The following MYO10 variants were observed in gnomAD, a reference collection of about 807,000 sequenced individuals.
MYO10 encodes unconventional myosin-X.
In MYO10, 133 loss-of-function variants were observed where a neutral mutation model predicts 257.3. The observed-to-expected ratio is 0.52, with a 90% CI of 0.45 to 0.60. MYO10 has a LOEUF of 0.60. Among genes scored for constraint, MYO10 ranks in the 20% least tolerant of loss-of-function variants. The pLI, the probability that MYO10 is intolerant of heterozygous loss-of-function variation, is 0.00. For synonymous variants in MYO10, 1,104 were observed against 1,028.6 expected (o/e 1.07, Z -1.40); for missense variants, 2,399 against 2,635.7 (o/e 0.91, Z 1.97).
chr5:16,836,958 T>C (rs1743330940), intron 2 of MYO10, among the ~76,000 whole-genome samples: 1 of 152,278 alleles, frequency 6.6e-6, no homozygotes, highest in East Asian at 1.9e-4. Flanking sequence ...TTGTAACAGA[T>C]GATAGATAGA....
intron 1 of MYO10, among the ~76,000 whole-genome samples, chr5:16,879,173 C>A (rs886233631): frequency 6.6e-6 from 1 of 152,132 alleles, no homozygotes; most frequent in African/African-American, 2.4e-5. Flanking sequence ...AAAATTATCA[C>A]TTGACATAGC....
intron 2 of MYO10, among the ~76,000 whole-genome samples, chr5:16,873,533 T>C (rs1248176405): frequency 1.3e-5 from 2 of 152,234 alleles, no homozygotes; most frequent in Non-Finnish European, 2.9e-5. Flanking sequence ...GGTACCCCAG[T>C]AGCGACTCTG....
At chr5:16,904,005 G>A (rs976071060) in intron 1 of MYO10, among the ~76,000 whole-genome samples, 1 of 152,200 alleles carries the variant, frequency 6.6e-6, no homozygotes, top group Non-Finnish European at 1.5e-5. Context: ...TATGCCATGA[G>A]TTGACTGGTG....
rs1036557672 is a variant in MYO10 at position 16,802,421 on chromosome 5, T to A, written c.280-7588A>T. ...TGCCTGTAATCCCAACACTCTGGGA[T>A]GCTGAGGCGGGTGGATCATGAGGTC... On this transcript the variant is annotated intron_variant, in intron 3 of 40. Transcript: ENST00000513610. Among the ~76,000 whole-genome samples the A allele has an allele frequency of 2.0e-5, 3 of 151,722 alleles. No homozygotes were observed. The East Asian group carries it at 5.9e-4, about 30-fold the overall frequency.
chr5:16,664,282 C>G lies in MYO10; in HGVS notation c.*2410G>C, dbSNP rs1736074001. ...CCCCCCCAATCTGAGTCATGCCTTT[C>G]CTTGCCTATTTCCCCATCTATAATT... is the stretch of plus-strand genomic sequence containing the variant. On this transcript the variant is annotated 3_prime_UTR_variant, in exon 41 of 41. Coordinates refer to ENST00000513610, the MANE Select transcript of MYO10 (RefSeq NM_012334.3). 6.6e-6 allele frequency: 1 copy of G among 152,252 alleles called. No homozygotes were observed. Among genetic ancestry groups the G allele is most frequent in the Non-Finnish European group, 1.5e-5 (1 of 68,076 alleles). The allele number at this position is 152,252 out of a possible 1,614,324, so 9.4% of individuals were successfully genotyped here.
Position 16,906,394 on chromosome 5 carries a change from T to C in MYO10, c.22-28687A>G, listed in dbSNP as rs118157834. On this transcript the variant is annotated intron_variant, in intron 1 of 40. Transcript: ENST00000513610. The stretch of plus-strand genomic sequence containing the variant: ...ACGGTAGGAAGTTTAGCACCATTCC[T>C]GGCTTCTACTCCCTAGATAACCCTG... Among the ~76,000 whole-genome samples the C allele has an allele frequency of 2.8e-4, 43 of 152,338 alleles. No individual in the cohort carries two copies. The East Asian group carries it at 7.9e-3, about 28-fold the overall frequency.
chr5:16,883,372 A>G (rs1041017873), intron 1 of MYO10, among the ~76,000 whole-genome samples: 1 of 152,204 alleles, frequency 6.6e-6, no homozygotes, highest in South Asian at 2.1e-4. Context: ...CATAATGATG[A>G]AATTCAAGGG....
intron 19 of MYO10, among the ~76,000 whole-genome samples, chr5:16,745,104 C>CCAA: frequency 6.6e-6 from 1 of 152,270 alleles, no homozygotes; most frequent in East Asian, 1.9e-4. Context: ...CTTTGGGAGG[C>CCAA]AGAGGCGTGT....
chr5:16,796,061 C>A (rs1159017076), intron 3 of MYO10, among the ~76,000 whole-genome samples: 4 of 151,392 alleles, frequency 2.6e-5, no homozygotes, highest in African/African-American at 9.7e-5. Flanking sequence ...CGGTGGCACA[C>A]ACCTGTAATC....
intron 36 of MYO10, among the ~76,000 whole-genome samples, chr5:16,673,234 G>C (rs578248775): frequency 9.6e-4 from 146 of 151,680 alleles, no homozygotes; most frequent in Non-Finnish European, 1.6e-3. Flanking sequence ...TGGGGGTCGG[G>C]GTGGTGGTTA....
chr5:16,877,145 T>A (rs1744626303), intron 2 of MYO10, among the ~76,000 whole-genome samples: 1 of 152,220 alleles, frequency 6.6e-6, no homozygotes, highest in African/African-American at 2.4e-5. Flanking sequence ...CATCGATATT[T>A]GCTCTTCATA....
chr5:16,802,954 A>AAT (rs1742164441), intron 3 of MYO10, among the ~76,000 whole-genome samples: 1 of 150,522 alleles, frequency 6.6e-6, no homozygotes, highest in African/African-American at 2.4e-5. Context: ...AAAAAAAAAA[A>AAT]TTTACCCATG....
intron 36 of MYO10, among the ~76,000 whole-genome samples, chr5:16,673,191 GTT>G (rs70940397): frequency 7.7e-6 from 1 of 129,766 alleles, no homozygotes; most frequent in African/African-American, 2.8e-5. Flanking sequence ...TCCAGATGAC[GTT>G]TTTTTTTTTT....
In MYO10 at chr5:16,916,078, T is replaced by C. The variant is rs575038197; in HGVS notation, c.21+19710A>G. Reference sequence around the variant, plus strand: ...ACCAGTTGAATCGCTTGGTCCCGAGTGTTAAGCCTCAGCCTTGGTAAAGAT... The same window carrying C: ...ACCAGTTGAATCGCTTGGTCCCGAGCGTTAAGCCTCAGCCTTGGTAAAGAT... On this transcript the variant is annotated intron_variant, in intron 1 of 40. Transcript: ENST00000513610. 6.6e-6 allele frequency: 3 copies of C among 456,026 alleles called. No individual in the cohort carries two copies. In the East Asian group the frequency reaches 2.1e-4, roughly 32 times the overall value. 28.2% of individuals were successfully genotyped at this position (456,026 alleles called of 1,614,324 possible).
At chr5:16,798,418 A>G (rs1742028202) in intron 3 of MYO10, among the ~76,000 whole-genome samples, 1 of 152,200 alleles carries the variant, frequency 6.6e-6, no homozygotes. Flanking sequence ...AACTCTCTAG[A>G]AAACCCATTT....
Position 16,711,012 on chromosome 5 carries a change from G to T in MYO10, c.2065C>A (p.Leu689Met). ...FQDFYKRYKV[L>M]MRNLALPEDV... The stretch of plus-strand genomic sequence containing the variant: ...TCAGGCAGAGCCAGATTCCTCATCA[G>T]CACTTTATACCTGCAACGTGAAGAC... Residue 689 changes from leucine (L) to methionine (M), a missense_variant, in exon 21 of 41, where the codon CTG becomes ATG. This residue lies in a region of MYO10 where 1,820 missense variants were observed against 1,939.4 expected (regional missense o/e 0.94). Coordinates refer to ENST00000513610, the MANE Select transcript of MYO10 (RefSeq NM_012334.3). 6.2e-7 allele frequency: 1 copy of T among 1,613,962 alleles called. No individual in the cohort carries two copies. The highest frequency in any genetic ancestry group is 8.5e-7 in the Non-Finnish European group (1 of 1,179,882).
chr5:16,808,830 C>A (rs1457659913), intron 3 of MYO10, among the ~76,000 whole-genome samples: 1 of 152,108 alleles, frequency 6.6e-6, no homozygotes, highest in South Asian at 2.1e-4. Flanking sequence ...CGCCACCACG[C>A]CTGGCTAATT....
Position 16,666,616 on chromosome 5 carries a change from C to T in MYO10, c.*76G>A. On this transcript the variant is annotated 3_prime_UTR_variant, in exon 41 of 41. Coordinates refer to ENST00000513610, the MANE Select transcript of MYO10 (RefSeq NM_012334.3). ...CAGCTCTGTGTTTGTTTTGGCTGGG[C>T]ATGGCACACTGGAGCCAGCCTAGGC... 1 of 1,265,462 alleles carries T rather than the reference C, an allele frequency of 7.9e-7. No homozygotes were observed. The allele number at this position is 1,265,462 out of a possible 1,614,324, so 78.4% of individuals were successfully genotyped here.
At chr5:16,676,429 C>A (rs958282873) in intron 33 of MYO10, among the ~76,000 whole-genome samples, 1 of 152,124 alleles carries the variant, frequency 6.6e-6, no homozygotes, top group South Asian at 2.1e-4. Flanking sequence ...TAAAAAATTT[C>A]ATCTCAGCAG....
Sources: gnomAD v4.1 joint callset for allele counts (sites outside exome capture counted in the v4.1 genomes callset) on GRCh38, gnomAD v4.1.1 for gene constraint, gnomAD v4.1.1 regional missense constraint, MANE v1.5 for transcripts, NCBI Gene and HGNC (gene_info 2026-07-23, HGNC 2026-07-21) for gene names.